FAM180A: variants seen among roughly 807,000 people sequenced by gnomAD.
FAM180A encodes protein FAM180A.
Under a neutral mutation model 15.3 loss-of-function variants are expected in FAM180A, and 14 were observed. The ratio of observed to expected loss-of-function variants is 0.92; its 90% CI spans 0.61 to 1.43. FAM180A has a LOEUF of 1.43. Ranked by LOEUF, FAM180A falls within the 40% of genes most tolerant of loss-of-function variation. The pLI is 0.00. For missense variants in FAM180A, 200 were observed against 220.8 expected, an observed-to-expected ratio of 0.91 and a Z score of 0.60; for synonymous variants, 90 against 96.8, an observed-to-expected ratio of 0.93 and a Z score of 0.41.
At chr7:135,744,049 T>C (rs1163563251) in intron 1 of FAM180A, among the ~76,000 whole-genome samples, 2 of 152,188 alleles carry the variant, frequency 1.3e-5, no homozygotes, top group African/African-American at 2.4e-5. Flanking sequence ...AAGCTAGTTT[T>C]TAATTGATCT....
At chr7:135,746,394 T>C (rs1479214668) in intron 1 of FAM180A, among the ~76,000 whole-genome samples, 1 of 152,204 alleles carries the variant, frequency 6.6e-6, no homozygotes, top group Non-Finnish European at 1.5e-5. Context: ...CTCACAGTAA[T>C]AGCATGAGGG....
chr7:135,733,570 C>T, intron 3 of FAM180A, 76 bp downstream of exon 3: 2 of 832,058 alleles, frequency 2.4e-6, no homozygotes, highest in Non-Finnish European at 2.9e-6. Context: ...TGGTCTTGAA[C>T]TCCTGACCTC....
At position 135,730,025 on chromosome 7, in the gene FAM180A, A is replaced by G. The variant is rs1228238181; in HGVS notation, c.*586T>C. On this transcript the variant is annotated 3_prime_UTR_variant, in exon 4 of 4. Coordinates refer to ENST00000338588, the MANE Select transcript of FAM180A (RefSeq NM_205855.4). ...GATGTGTTTTTTACCACAATAAAAA[A>G]AATAAGATTGAAATGGATTAGGAAA... The G allele has an allele frequency of 1.0e-6, 1 of 984,588 alleles. No homozygotes were observed. The highest frequency in any genetic ancestry group is 1.2e-6 in the Non-Finnish European group (1 of 829,278). 61.0% of individuals were successfully genotyped at this position (984,588 alleles called of 1,614,324 possible).
chr7:135,737,077 G>A, intron 2 of FAM180A, 22 bp downstream of exon 2: 1 of 1,572,988 alleles, frequency 6.4e-7, no homozygotes, highest in South Asian at 1.1e-5. Flanking sequence ...GACTTGGATT[G>A]AGCATGTTCC....
chr7:135,734,187 T>C lies in FAM180A; in HGVS notation c.310A>G (p.Ile104Val). The C allele has an allele frequency of 6.2e-7, 1 of 1,614,234 alleles. No individual in the cohort carries two copies. The highest frequency in any genetic ancestry group is 8.5e-7 in the Non-Finnish European group (1 of 1,180,038). The change falls in exon 3 of 4, where the codon ATC (isoleucine) becomes GTC (valine). Residue 104 changes from isoleucine (I) to valine (V), a missense_variant. By Grantham distance (29) the Ile-to-Val change is conservative. Coordinates refer to ENST00000338588, the MANE Select transcript of FAM180A (RefSeq NM_205855.4). ...NNVIPKSIPD[I>V]RRLSASLSSH... ...GAGAGGCTGGCGCTGAGCCGGCGGA[T>C]GTCTGGGATGCTCTTGGGGATGACG...
chr7:135,742,632 AAGTT>A, intron 1 of FAM180A, among the ~76,000 whole-genome samples: 1 of 152,352 alleles, frequency 6.6e-6, no homozygotes, highest in Non-Finnish European at 1.5e-5. Context: ...CACATGGACT[AAGTT>A]AGTCCAGGAG....
chr7:135,739,852 G>T (rs1796920809), intron 1 of FAM180A, among the ~76,000 whole-genome samples: 1 of 152,132 alleles, frequency 6.6e-6, no homozygotes, highest in Non-Finnish European at 1.5e-5. Flanking sequence ...CAAGGGCTTT[G>T]ATACATACAG....
Position 135,733,801 on chromosome 7 carries a change from T to C in FAM180A, c.*174A>G. The C allele has an allele frequency of 7.2e-7, 1 of 1,397,022 alleles. No individual in the cohort carries two copies. The highest frequency in any genetic ancestry group is 9.3e-7 in the Non-Finnish European group (1 of 1,080,812). 86.5% of individuals were successfully genotyped at this position (1,397,022 alleles called of 1,614,324 possible). Reference sequence around the variant, plus strand: ...GTCACATGATGGCATGAATCAGATGTGTCTTCCAGGAAACTACAAGGAGAA... The same window carrying C: ...GTCACATGATGGCATGAATCAGATGCGTCTTCCAGGAAACTACAAGGAGAA... On this transcript the variant is annotated 3_prime_UTR_variant, in exon 3 of 4. Coordinates refer to ENST00000338588, the MANE Select transcript of FAM180A (RefSeq NM_205855.4).
intron 3 of FAM180A, among the ~76,000 whole-genome samples, chr7:135,732,158 G>T (rs1474905174): frequency 5.9e-5 from 9 of 152,218 alleles, no homozygotes; most frequent in African/African-American, 1.9e-4. Context: ...TGAAGGGCAA[G>T]TTACATTGGT....
Position 135,737,206 on chromosome 7 carries a change from G to A in FAM180A, c.77-7C>T. ...GCGGCAGGGAAGAGCACAGCTGAAA[G>A]AAAGAAAACAGTGAGTTCCTGGCTG... On this transcript the variant is annotated splice_region_variant and splice_polypyrimidine_tract_variant and intron_variant, in intron 1 of 3. Coordinates refer to ENST00000338588, the MANE Select transcript of FAM180A (RefSeq NM_205855.4). 1 of 1,584,210 alleles carries A rather than the reference G, an allele frequency of 6.3e-7. No homozygotes were observed. Among genetic ancestry groups the A allele is most frequent in the African/African-American group, 1.4e-5 (1 of 73,662 alleles).
At chr7:135,745,692 C>T (rs1797022744) in intron 1 of FAM180A, among the ~76,000 whole-genome samples, 1 of 151,444 alleles carries the variant, frequency 6.6e-6, no homozygotes, top group South Asian at 2.1e-4. Flanking sequence ...GTGCTAACAA[C>T]AAGGCGCATA....
chr7:135,730,297 T>C lies in FAM180A; in HGVS notation c.*330-16A>G. 1.0e-6 allele frequency: 1 copy of C among 977,874 alleles called. No individual in the cohort carries two copies. Among genetic ancestry groups the C allele is most frequent in the Non-Finnish European group, 1.2e-6 (1 of 823,106 alleles). 60.6% of individuals were successfully genotyped at this position (977,874 alleles called of 1,614,324 possible). A position where few individuals can be genotyped will look rare whatever the true frequency, so the allele number is the denominator to read the frequency against. On this transcript the variant is annotated splice_polypyrimidine_tract_variant and intron_variant, in intron 3 of 3. Transcript: ENST00000338588. Reference sequence around the variant, plus strand: ...TGGCTCACGCCTGTAATCCTAGCATTTTGGGAGGCTGAGGCAGGTGGACCA... The same window carrying C: ...TGGCTCACGCCTGTAATCCTAGCATCTTGGGAGGCTGAGGCAGGTGGACCA...
At chr7:135,740,800 G>C (rs1796934438) in intron 1 of FAM180A, among the ~76,000 whole-genome samples, 1 of 151,054 alleles carries the variant, frequency 6.6e-6, no homozygotes, top group Admixed American at 6.6e-5. Context: ...GGTGTGGCCT[G>C]TTTCTTTCTT....
intron 3 of FAM180A, among the ~76,000 whole-genome samples, chr7:135,731,502 G>C (rs995216126): frequency 6.6e-6 from 1 of 151,644 alleles, no homozygotes. Flanking sequence ...TTTGGAATTG[G>C]GCCCAAATAT....
chr7:135,732,688 A>ATCAC (rs1796801412), intron 3 of FAM180A, among the ~76,000 whole-genome samples: 1 of 99,118 alleles, frequency 1.0e-5, no homozygotes, highest in Non-Finnish European at 2.1e-5. Context: ...GCGAGACTCC[A>ATCAC]TCACACACAC....
At chr7:135,734,992 C>A (rs1258805876) in intron 2 of FAM180A, among the ~76,000 whole-genome samples, 1 of 152,178 alleles carries the variant, frequency 6.6e-6, no homozygotes, top group Admixed American at 6.5e-5. Context: ...ACCTCCACCT[C>A]CTGGGTTCAA....
intron 1 of FAM180A, among the ~76,000 whole-genome samples, chr7:135,740,065 C>G (rs1174707973): frequency 2.0e-5 from 3 of 152,300 alleles, no homozygotes; most frequent in Middle Eastern, 3.4e-3. Flanking sequence ...AGTTTATACT[C>G]TTTGCCAAAA....
chr7:135,735,122 C>T (rs376024266), intron 2 of FAM180A, among the ~76,000 whole-genome samples: 22 of 152,022 alleles, frequency 1.4e-4, no homozygotes, highest in Non-Finnish European at 2.2e-4. Context: ...CGGCTGGTCT[C>T]GAACTCCTGA....
Position 135,748,665 on chromosome 7 carries a change from T to A in FAM180A, c.-85A>T. ...GGTATGCCCGTGCCGTTCTTCCCAG[T>A]GAGATGATGGAGTGCTTCCCTCCCT... On this transcript the variant is annotated 5_prime_UTR_variant, in exon 1 of 4. Coordinates refer to ENST00000338588, the MANE Select transcript of FAM180A (RefSeq NM_205855.4). The A allele has an allele frequency of 9.7e-7, 1 of 1,029,978 alleles. No individual in the cohort carries two copies. The highest frequency in any genetic ancestry group is 1.5e-6 in the Non-Finnish European group (1 of 651,984). 63.8% of individuals were successfully genotyped at this position (1,029,978 alleles called of 1,614,324 possible).
Sources: gnomAD v4.1 joint callset for allele counts (sites outside exome capture counted in the v4.1 genomes callset) on GRCh38, gnomAD v4.1.1 for gene constraint, MANE v1.5 for transcripts, NCBI Gene and HGNC (gene_info 2026-07-23, HGNC 2026-07-21) for gene names.